The following FAM107B variants were observed in gnomAD, a reference collection of about 807,000 sequenced individuals.
The protein encoded by FAM107B is protein FAM107B.
FAM107B carries 21 observed loss-of-function variants against 31.5 expected under a neutral mutation model. The observed-to-expected ratio is 0.67, with a 90% CI of 0.47 to 0.96. FAM107B has a LOEUF of 0.96. Ranked by LOEUF, FAM107B falls within the 40% of genes least tolerant of loss-of-function variation. The probability of loss-of-function intolerance (pLI) is 0.00; values close to 1 mark genes in which losing one functional copy is unlikely to be tolerated. For synonymous variants in FAM107B, 157 were observed against 141.5 expected, an observed-to-expected ratio of 1.11 and a Z score of -0.78; for missense variants, 452 against 377.1, an observed-to-expected ratio of 1.20 and a Z score of -1.64.
intron 2 of FAM107B, among the ~76,000 whole-genome samples, chr10:14,656,612 C>T (rs560519135): frequency 6.6e-6 from 1 of 152,308 alleles, no homozygotes; most frequent in East Asian, 1.9e-4. Flanking sequence ...GAGATTCCTC[C>T]AGGATGCAAA....
intron 2 of FAM107B, among the ~76,000 whole-genome samples, chr10:14,590,557 T>C (rs1484016048): frequency 1.3e-5 from 2 of 152,208 alleles, no homozygotes; most frequent in Non-Finnish European, 2.9e-5. Context: ...ATGGAGCATA[T>C]GTAAATTAAA....
At chr10:14,753,201 C>T (rs531915922) in intron 1 of FAM107B, among the ~76,000 whole-genome samples, 13 of 152,304 alleles carry the variant, frequency 8.5e-5, no homozygotes, top group South Asian at 4.1e-4. Context: ...AGAGCACACA[C>T]GCATGTTCAC....
chr10:14,652,396 A>C lies in FAM107B; in HGVS notation c.469+15238T>G, dbSNP rs116388039. Among the ~76,000 whole-genome samples, 959 of 152,328 alleles carry C rather than the reference A, an allele frequency of 6.3e-3. 10 individuals carry two copies. Among genetic ancestry groups the C allele is most frequent in the African/African-American group, 0.022 (920 of 41,562 alleles). ...GAGAAATTCTCAACTCTGTCCAGAT[A>C]CGTATTGGTTTTTGCAGAGCTGCGG... On this transcript the variant is annotated intron_variant, in intron 2 of 4. Transcript: ENST00000181796.
intron 2 of FAM107B, among the ~76,000 whole-genome samples, chr10:14,647,373 A>G (rs1327819821): frequency 6.6e-6 from 1 of 152,082 alleles, no homozygotes; most frequent in Non-Finnish European, 1.5e-5. Flanking sequence ...ACGTATAACC[A>G]TCTCCTATAA....
chr10:14,674,147 G>A (rs1854623948), intron 1 of FAM107B, among the ~76,000 whole-genome samples: 1 of 152,128 alleles, frequency 6.6e-6, no homozygotes, highest in Non-Finnish European at 1.5e-5. Context: ...TATGAAACTA[G>A]GAGAAGAAAA....
At position 14,600,159 on chromosome 10, in the gene FAM107B, G is replaced by A. The variant is rs1002384672; in HGVS notation, c.469+67475C>T. 9.9e-5 allele frequency among the ~76,000 whole-genome samples: 15 copies of A among 152,170 alleles called. 1 individual carries two copies. The highest frequency in any genetic ancestry group is 3.6e-4 in the African/African-American group (15 of 41,420). On this transcript the variant is annotated intron_variant, in intron 2 of 4. Coordinates refer to ENST00000181796, the MANE Select transcript of FAM107B (RefSeq NM_031453.4). ...AACAAAACCTCTGGTGGGCACAGCT[G>A]TAGTTGGGTGCCCTTTGCATGATAC...
At chr10:14,618,476 C>A (rs1272730841) in intron 2 of FAM107B, among the ~76,000 whole-genome samples, 1 of 152,032 alleles carries the variant, frequency 6.6e-6, no homozygotes, top group Admixed American at 6.6e-5. Flanking sequence ...CTGTCCCTTG[C>A]CCCCACGCCC....
At chr10:14,557,070 C>A (rs913164294) in intron 2 of FAM107B, among the ~76,000 whole-genome samples, 6 of 152,244 alleles carry the variant, frequency 3.9e-5, no homozygotes, top group Non-Finnish European at 5.9e-5. Flanking sequence ...TCTCCTGACC[C>A]CTGGCTCTTC....
rs2130735441 is a variant in FAM107B, at chr10:14,520,345, G to T, written c.*845C>A. The T allele has an allele frequency of 6.6e-6, 1 of 152,264 alleles. No homozygotes were observed. Among genetic ancestry groups the T allele is most frequent in the African/African-American group, 2.4e-5 (1 of 41,544 alleles). 9.4% of individuals were successfully genotyped at this position (152,264 alleles called of 1,614,324 possible). ...TGTGGCGGCTTCTACTTTTGCTACT[G>T]AAGCTGGGTTATATGGACTAGTTCC... On this transcript the variant is annotated 3_prime_UTR_variant, in exon 5 of 5. Coordinates refer to ENST00000181796, the MANE Select transcript of FAM107B (RefSeq NM_031453.4).
intron 2 of FAM107B, among the ~76,000 whole-genome samples, chr10:14,634,241 A>G (rs1853439415): frequency 7.3e-6 from 1 of 137,312 alleles, no homozygotes; most frequent in African/African-American, 2.9e-5. Context: ...CTAAAATTAC[A>G]AAAAAAAAAT....
chr10:14,711,450 C>G (rs1374726453), intron 1 of FAM107B, among the ~76,000 whole-genome samples: 2 of 152,062 alleles, frequency 1.3e-5, no homozygotes, highest in African/African-American at 2.4e-5. Context: ...AAATACTTAC[C>G]ATCGTGTTAC....
chr10:14,562,808 T>C (rs1249932259), intron 2 of FAM107B, among the ~76,000 whole-genome samples: 1 of 152,220 alleles, frequency 6.6e-6, no homozygotes, highest in African/African-American at 2.4e-5. Context: ...TCAGACACAA[T>C]AACTCAGAAG....
intron 1 of FAM107B, among the ~76,000 whole-genome samples, chr10:14,671,052 A>G (rs1228955964): frequency 1.3e-5 from 2 of 149,780 alleles, no homozygotes; most frequent in African/African-American, 4.9e-5. Context: ...GTGTGTCCTG[A>G]TTTCCTCTTT....
At chr10:14,592,134 C>T (rs1468886094) in intron 2 of FAM107B, among the ~76,000 whole-genome samples, 2 of 152,320 alleles carry the variant, frequency 1.3e-5, no homozygotes, top group African/African-American at 4.8e-5. Flanking sequence ...CGATCCCGTG[C>T]CATCTGATTT....
At chr10:14,763,622 G>A (rs1165269008) in intron 1 of FAM107B, among the ~76,000 whole-genome samples, 1 of 152,148 alleles carries the variant, frequency 6.6e-6, no homozygotes, top group Non-Finnish European at 1.5e-5. Flanking sequence ...CAAAAGGGCT[G>A]TCTTTCCTAA....
intron 1 of FAM107B, among the ~76,000 whole-genome samples, chr10:14,745,233 T>A (rs1321839788): frequency 6.6e-6 from 1 of 151,496 alleles, no homozygotes; most frequent in Non-Finnish European, 1.5e-5. Context: ...TATTTCATTA[T>A]TTTTTTTCAA....
At chr10:14,535,334 T>C (rs1041443131) in intron 2 of FAM107B, among the ~76,000 whole-genome samples, 5 of 152,184 alleles carry the variant, frequency 3.3e-5, no homozygotes, top group Non-Finnish European at 5.9e-5. Flanking sequence ...AAAATGTATA[T>C]GCAAAGACTC....
At chr10:14,604,476 C>T (rs1390591512) in intron 2 of FAM107B, 3 of 151,278 alleles carry the variant, frequency 2.0e-5, no homozygotes, top group Admixed American at 6.6e-5. Flanking sequence ...ACGCCCCCAA[C>T]GCGCCCCGCC....
intron 2 of FAM107B, among the ~76,000 whole-genome samples, chr10:14,609,408 C>T (rs1852672465): frequency 6.6e-6 from 1 of 152,096 alleles, no homozygotes; most frequent in South Asian, 2.1e-4. Flanking sequence ...GAATTCAGTT[C>T]TTTGTGGTTA....
Sources: allele counts gnomAD v4.1 joint callset (sites outside exome capture counted in the v4.1 genomes callset), GRCh38; gene constraint gnomAD v4.1.1; transcripts MANE v1.5; gene names NCBI Gene and HGNC (gene_info 2026-07-23, HGNC 2026-07-21).